DPH1: variants seen among roughly 807,000 people sequenced by gnomAD.
DPH1 encodes the protein diphthamide biosynthesis 1.
DPH1 carries 59 observed loss-of-function variants against 55.3 expected under a neutral mutation model. That is an observed-to-expected ratio of 1.07 (90% confidence interval 0.87 to 1.33). DPH1 has a LOEUF of 1.33. Ranked by LOEUF, DPH1 falls within the 40% of genes most tolerant of loss-of-function variation. DPH1 has a pLI of 0.00. For missense variants in DPH1, 628 were observed against 584.8 expected (o/e 1.07, Z -0.76); for synonymous variants, 238 against 235.5 (o/e 1.01, Z -0.10).
Position 2,033,539 on chromosome 17 carries a change from C to A in DPH1, c.96C>A (p.Ile32=), listed in dbSNP as rs2067360002. 2.5e-6 allele frequency: 4 copies of A among 1,614,176 alleles called. No individual in the cohort carries two copies. The highest frequency in any genetic ancestry group is 3.4e-6 in the Non-Finnish European group (4 of 1,180,040). The change falls in exon 2 of 13, where the codon ATC becomes ATA. Residue 32 remains isoleucine (I), a synonymous_variant. Coordinates refer to ENST00000263083, the MANE Select transcript of DPH1 (RefSeq NM_001383.6). ...CTCGGGGCCGCGTGGCCAATCAGATCCCCCCTGAGATCCTGAAGAACCCTC... is the reference window on the plus strand; with the variant it reads ...CTCGGGGCCGCGTGGCCAATCAGATACCCCCTGAGATCCTGAAGAACCCTC... ...RAPRGRVANQ[I]PPEILKNPQL...
chr17:2,040,883 C>A, intron 9 of DPH1: 1 of 636,602 alleles, frequency 1.6e-6, no homozygotes, highest in Non-Finnish European at 2.8e-6. Flanking sequence ...GGGATACTAT[C>A]ACCAGTGAGC....
chr17:2,034,092 C>T (rs1245040704), intron 3 of DPH1, among the ~76,000 whole-genome samples: 2 of 152,076 alleles, frequency 1.3e-5, no homozygotes, highest in Admixed American at 1.3e-4. Context: ...AGAAATCAAT[C>T]CCAGTGTCTT....
chr17:2,040,866 G>C, intron 9 of DPH1: 1 of 626,854 alleles, frequency 1.6e-6, no homozygotes, highest in South Asian at 1.9e-5. Context: ...TACTAAATGT[G>C]GTTCTGGGGA....
chr17:2,039,753 A>G lies in DPH1; in HGVS notation c.681-2A>G. 6.2e-7 allele frequency: 1 copy of G among 1,614,112 alleles called. No individual in the cohort carries two copies. Among genetic ancestry groups the G allele is most frequent in the Non-Finnish European group, 8.5e-7 (1 of 1,180,018 alleles). ...CACTTAGCCTCCTTTCCACCCCTGC[A>G]GGTATCTTGGAGATGGCCGCTTCCA... On this transcript the variant is annotated splice_acceptor_variant, in intron 6 of 12. Transcript: ENST00000263083. LOFTEE classifies it high-confidence loss of function.
At chr17:2,040,029 C>G (rs1193600750) in intron 7 of DPH1, among the ~76,000 whole-genome samples, 189 bp from the exon 8 acceptor site, 1 of 152,230 alleles carries the variant, frequency 6.6e-6, no homozygotes, top group Non-Finnish European at 1.5e-5. Context: ...GATCTTAAAG[C>G]CGCCCACTCT....
intron 1 of DPH1, chr17:2,033,286 C>T (rs1395627939): frequency 1.6e-6 from 1 of 640,362 alleles, no homozygotes; most frequent in African/African-American, 1.8e-5. Context: ...ACTTGGGTGA[C>T]TGTTGTTTAT....
At chr17:2,035,823 GT>G (rs1442564676) in intron 3 of DPH1, 146 bp from the exon 4 acceptor site, 1 of 1,286,990 alleles carries the variant, frequency 7.8e-7, no homozygotes, top group Non-Finnish European at 1.1e-6. Context: ...CCTAATCTTT[GT>G]TGGCAGAAGT....
chr17:2,037,176 G>T, intron 6 of DPH1: 1 of 568,226 alleles, frequency 1.8e-6, no homozygotes, highest in Non-Finnish European at 2.8e-6. Flanking sequence ...GCAGGGTGGG[G>T]GCAGGAATCA....
intron 12 of DPH1, 105 bp downstream of exon 12, chr17:2,041,980 C>G: frequency 6.7e-7 from 1 of 1,499,760 alleles, no homozygotes. Context: ...TCGGTTCCGC[C>G]CCGTGCATTG....
At chr17:2,041,907 T>G (rs76439887) in intron 12 of DPH1, 32 bp downstream of exon 12, 117,942 of 1,544,364 alleles carry the variant, frequency 0.076, 5,136 homozygotes, top group South Asian at 0.087. Context: ...GCGCCCCGCC[T>G]TTTGCCGTTG....
At chr17:2,031,596 T>C (rs554633752) in intron 1 of DPH1, among the ~76,000 whole-genome samples, 1 of 139,644 alleles carries the variant, frequency 7.2e-6, no homozygotes, top group East Asian at 2.1e-4. Flanking sequence ...AAATTAGCCC[T>C]GCGTCTTGGC....
intron 9 of DPH1, chr17:2,040,873 G>A: frequency 1.6e-6 from 1 of 632,146 alleles, no homozygotes; most frequent in Non-Finnish European, 2.8e-6. Flanking sequence ...TGTGGTTCTG[G>A]GGATACTATC....
rs2067427915 is a variant in DPH1, at chr17:2,036,520, C to T, written c.401-9C>T. The T allele has an allele frequency of 1.2e-6, 2 of 1,613,690 alleles. No individual in the cohort carries two copies. Among genetic ancestry groups the T allele is most frequent in the Non-Finnish European group, 1.7e-6 (2 of 1,179,826 alleles). ...TCCCAAACAGCCCCTGAACTCCTCC[C>T]TCCCACAGTTCCCATGGACACCTCG... On this transcript the variant is annotated splice_polypyrimidine_tract_variant and intron_variant, in intron 4 of 12. Transcript: ENST00000263083. The surrounding 1 kb of genome is among the most constrained non-coding windows in gnomAD (Gnocchi z 4.8).
In DPH1 at chr17:2,030,249, C is replaced by A. The variant is rs753299811; in HGVS notation, c.61+19C>A. 3.2e-6 allele frequency: 5 copies of A among 1,563,830 alleles called. No homozygotes were observed. The South Asian group carries it at 5.9e-5, about 18-fold the overall frequency. On this transcript the variant is annotated intron_variant, in intron 1 of 12. Coordinates refer to ENST00000263083, the MANE Select transcript of DPH1 (RefSeq NM_001383.6). ...GGCAGAGGTGGGTGCTGGAACGCTGCGCCCTCCAGACCTCGCATCTCGGGG... is the reference window on the plus strand; with the variant it reads ...GGCAGAGGTGGGTGCTGGAACGCTGAGCCCTCCAGACCTCGCATCTCGGGG...
Position 2,036,370 on chromosome 17 carries a change from A to G in DPH1, c.401-159A>G, listed in dbSNP as rs1401961452. 1.8e-6 allele frequency: 2 copies of G among 1,108,160 alleles called. No individual in the cohort carries two copies. Among genetic ancestry groups the G allele is most frequent in the African/African-American group, 3.1e-5 (2 of 63,554 alleles). The allele number at this position is 1,108,160 out of a possible 1,614,324, so 68.6% of individuals were successfully genotyped here. A position where few individuals can be genotyped will look rare whatever the true frequency, so the allele number is the denominator to read the frequency against. ...GGGTGACAGAGAAGTCTGATTGAGA[A>G]GGAGCTTCTAGGGGATCTGTGACCC... On this transcript the variant is annotated intron_variant, in intron 4 of 12. Coordinates refer to ENST00000263083, the MANE Select transcript of DPH1 (RefSeq NM_001383.6). This position sits in a 1 kb window ranked among gnomAD's most constrained non-coding sequence, Gnocchi z 4.8.
In DPH1 at chr17:2,033,647, G is replaced by C; in HGVS notation, c.204G>C (p.Gln68His). 6.2e-7 allele frequency: 1 copy of C among 1,614,154 alleles called. No homozygotes were observed. Among genetic ancestry groups the C allele is most frequent in the South Asian group, 1.1e-5 (1 of 91,084 alleles). ...CCATCTGGAGGATCCAACAAGCCCAGGCCAAGAAGGGTGAGCCTGTGATCA... is the reference window on the plus strand; with the variant it reads ...CCATCTGGAGGATCCAACAAGCCCACGCCAAGAAGGGTGAGCCTGTGATCA... The part of the protein sequence containing the change: ...PKTIWRIQQA[Q>H]AKKVALQMPE... Residue 68 changes from glutamine (Q) to histidine (H), a missense_variant, in exon 2 of 13, where the codon CAG (glutamine) becomes CAC (histidine). Transcript: ENST00000263083.
rs2067552520 is a variant in DPH1, at chr17:2,042,315, C to G, written c.*19-290C>G. 8 of 1,390,794 alleles carry G rather than the reference C, an allele frequency of 5.8e-6. No individual in the cohort carries two copies. The South Asian group carries it at 1.2e-4, about 22-fold the overall frequency. The allele number at this position is 1,390,794 out of a possible 1,614,324, so 86.2% of individuals were successfully genotyped here. On this transcript the variant is annotated intron_variant, in intron 12 of 12. Coordinates refer to ENST00000263083, the MANE Select transcript of DPH1 (RefSeq NM_001383.6). ...TCGACACCCTTCAGCATCCCCCACC[C>G]TGCGTCCACCCGCATTCCTCCCACC...
chr17:2,042,190 T>TC lies in DPH1; in HGVS notation c.*18+319dup, dbSNP rs779004308. The TC allele has an allele frequency of 4.9e-6, 7 of 1,430,358 alleles. No individual in the cohort carries two copies. In the East Asian group the frequency reaches 1.9e-4, roughly 40 times the overall value. 88.6% of individuals were successfully genotyped at this position (1,430,358 alleles called of 1,614,324 possible). A position where few individuals can be genotyped will look rare whatever the true frequency, so the allele number is the denominator to read the frequency against. On this transcript the variant is annotated intron_variant, in intron 12 of 12. Transcript: ENST00000263083. ...GTGTGCCTCAGCGGCCCGCACCCGG[T>TC]CCCCGACCCCCCGGGCCCCGAGGGC... is the stretch of plus-strand genomic sequence containing the variant.
intron 9 of DPH1, chr17:2,040,850 A>G: frequency 3.2e-6 from 2 of 625,502 alleles, no homozygotes; most frequent in Admixed American, 2.8e-5. Flanking sequence ...CCTGCCCTGT[A>G]CCAGGTACTA....
Sources: gnomAD v4.1 joint callset for allele counts (sites outside exome capture counted in the v4.1 genomes callset) on GRCh38, gnomAD v4.1.1 for gene constraint, Gnocchi (gnomAD v3.1) non-coding constraint, MANE v1.5 for transcripts, NCBI Gene and HGNC (gene_info 2026-07-23, HGNC 2026-07-21) for gene names.